The following STARD13 variants were observed in gnomAD, a reference collection of about 807,000 sequenced individuals.
The protein encoded by STARD13 is StAR related lipid transfer domain containing 13, also known as stAR-related lipid transfer protein 13.
In STARD13, 62 loss-of-function variants were observed where a neutral mutation model predicts 106.4. The ratio of observed to expected loss-of-function variants is 0.58; its 90% confidence interval spans 0.48 to 0.72. The LOEUF (loss-of-function observed/expected upper bound fraction) is 0.72. STARD13 is among the 30% of genes least tolerant of loss of function. STARD13 has a pLI of 0.00. For missense variants in STARD13, 1,387 were observed against 1,424.0 expected, an observed-to-expected ratio of 0.97 and a Z score of 0.42; for synonymous variants, 565 against 553.0, an observed-to-expected ratio of 1.02 and a Z score of -0.31.
chr13:33,132,642 G>A (rs570568418), intron 4 of STARD13, among the ~76,000 whole-genome samples: 3 of 152,200 alleles, frequency 2.0e-5, no homozygotes, highest in East Asian at 3.9e-4. Flanking sequence ...TTTGAGTCTA[G>A]GAGTTTGAGT....
intron 3 of STARD13, among the ~76,000 whole-genome samples, chr13:33,145,909 G>T (rs1293630966): frequency 6.6e-6 from 1 of 152,212 alleles, no homozygotes; most frequent in African/African-American, 2.4e-5. Flanking sequence ...TCACGGCTGG[G>T]CATGGTGGCT....
At chr13:33,177,953 A>AAGGAAGGAAAGG (rs1884824353) in intron 1 of STARD13, among the ~76,000 whole-genome samples, 1 of 6,034 alleles carries the variant, frequency 1.7e-4, no homozygotes, top group African/African-American at 1.1e-3. Context: ...GGAAGGAAGG[A>AAGGAAGGAAAGG]AAGGAAGGAA....
chr13:33,478,352 T>C, the STARD13 span, among the ~76,000 whole-genome samples: 1 of 152,194 alleles, frequency 6.6e-6, no homozygotes, highest in East Asian at 1.9e-4. Context: ...CTTTTGTAGG[T>C]GCCAAACCAC....
chr13:33,556,259 T>A, the STARD13 span, among the ~76,000 whole-genome samples: 1 of 152,098 alleles, frequency 6.6e-6, no homozygotes, highest in African/African-American at 2.4e-5. Context: ...CCCGCCTCCC[T>A]TTTCTTTTCC....
chr13:33,369,159 TCTTTA>T, the STARD13 span, among the ~76,000 whole-genome samples: 1 of 152,054 alleles, frequency 6.6e-6, no homozygotes, highest in African/African-American at 2.4e-5. Flanking sequence ...TGGGGTAACA[TCTTTA>T]CTTCTGTTTA....
chr13:33,260,420 G>T (rs1890583380), intron 1 of STARD13, among the ~76,000 whole-genome samples: 1 of 152,362 alleles, frequency 6.6e-6, no homozygotes, highest in South Asian at 2.1e-4. Context: ...GTGGAGGCAG[G>T]TCTATTTCTG....
chr13:33,479,593 G>T, the STARD13 span, among the ~76,000 whole-genome samples: 4 of 152,206 alleles, frequency 2.6e-5, no homozygotes, highest in Non-Finnish European at 5.9e-5. Context: ...TCTATGTACT[G>T]CTATGGAGTT....
At chr13:33,576,878 A>T in the STARD13 span, among the ~76,000 whole-genome samples, 1 of 152,324 alleles carries the variant, frequency 6.6e-6, no homozygotes, top group South Asian at 2.1e-4. Context: ...GGAAGTCATT[A>T]TAAAGGCATT....
the STARD13 span, among the ~76,000 whole-genome samples, chr13:33,624,160 C>A: frequency 1.3e-5 from 2 of 152,328 alleles, no homozygotes; most frequent in Admixed American, 6.5e-5. Flanking sequence ...TTCATAGCTA[C>A]TTTATTCATA....
At chr13:33,508,010 G>T in the STARD13 span, among the ~76,000 whole-genome samples, 4 of 152,254 alleles carry the variant, frequency 2.6e-5, no homozygotes, top group East Asian at 7.7e-4. Flanking sequence ...CCCGTGTTGT[G>T]CAAGGGTCAA....
At chr13:33,480,037 A>G in the STARD13 span, among the ~76,000 whole-genome samples, 2 of 152,232 alleles carry the variant, frequency 1.3e-5, no homozygotes, top group African/African-American at 4.8e-5. Flanking sequence ...ATGAACTAAT[A>G]CAATTCTTAA....
the STARD13 span, among the ~76,000 whole-genome samples, chr13:33,489,648 G>A: frequency 7.9e-5 from 12 of 152,210 alleles, no homozygotes; most frequent in African/African-American, 2.9e-4. Flanking sequence ...TTAATGGAAA[G>A]TATGAAGTAA....
At chr13:33,326,033 A>G (rs1294528174) in intron 1 of STARD13, among the ~76,000 whole-genome samples, 3 of 151,622 alleles carry the variant, frequency 2.0e-5, no homozygotes, top group Non-Finnish European at 2.9e-5. Context: ...CTGAAAGAAT[A>G]TATAATTCAT....
At chr13:33,503,711 C>T in the STARD13 span, among the ~76,000 whole-genome samples, 1 of 152,102 alleles carries the variant, frequency 6.6e-6, no homozygotes, top group African/African-American at 2.4e-5. Flanking sequence ...TTTCTTAATC[C>T]TGAGTTTTAA....
chr13:33,439,190 G>A, the STARD13 span, among the ~76,000 whole-genome samples: 1 of 152,236 alleles, frequency 6.6e-6, no homozygotes, highest in Admixed American at 6.5e-5. Flanking sequence ...AGATTGGTTA[G>A]CTGTTAGTTT....
the STARD13 span, among the ~76,000 whole-genome samples, chr13:33,381,080 A>C: frequency 6.6e-6 from 1 of 152,328 alleles, no homozygotes; most frequent in East Asian, 1.9e-4. Flanking sequence ...GTATATAGGA[A>C]TGCTATGTTC....
At chr13:33,321,088 A>T (rs1893542917) in intron 1 of STARD13, among the ~76,000 whole-genome samples, 1 of 152,204 alleles carries the variant, frequency 6.6e-6, no homozygotes, top group African/African-American at 2.4e-5. Context: ...TAGAAATAAC[A>T]TTATTATTGC....
intron 1 of STARD13, among the ~76,000 whole-genome samples, chr13:33,186,720 A>T (rs1478427720): frequency 3.3e-5 from 5 of 152,192 alleles, no homozygotes; most frequent in Non-Finnish European, 1.5e-5. Context: ...ACAATAATGA[A>T]ATCAGCAAAT....
chr13:33,451,277 C>T, the STARD13 span, among the ~76,000 whole-genome samples: 1 of 152,106 alleles, frequency 6.6e-6, no homozygotes, highest in South Asian at 2.1e-4. Context: ...TAATAAAATA[C>T]TTTACTATGT....
Sources: gnomAD v4.1 joint callset for allele counts (sites outside exome capture counted in the v4.1 genomes callset) on GRCh38, gnomAD v4.1.1 for gene constraint, MANE v1.5 for transcripts, NCBI Gene and HGNC (gene_info 2026-07-23, HGNC 2026-07-21) for gene names.